Variants in KCNJ13 observed in about 807,000 individuals in gnomAD.
KCNJ13 encodes potassium inwardly rectifying channel subfamily J member 13.
KCNJ13 carries 9 observed loss-of-function variants against 24.6 expected under a neutral mutation model. The ratio of observed to expected loss-of-function variants is 0.37; its 90% CI spans 0.22 to 0.64. The LOEUF (loss-of-function observed/expected upper bound fraction) is 0.64, where lower values mean the gene tolerates loss of function less well. Ranked by LOEUF, KCNJ13 falls within the 30% of genes least tolerant of loss-of-function variation. KCNJ13 has a pLI of 0.64. For missense variants in KCNJ13, 337 were observed against 443.8 expected (o/e 0.76, Z 2.16); for synonymous variants, 148 against 154.7 (o/e 0.96, Z 0.32).
chr2:232,768,129 T>C lies in KCNJ13; in HGVS notation c.*62A>G. The C allele has an allele frequency of 6.5e-7, 1 of 1,541,294 alleles. No homozygotes were observed. Among genetic ancestry groups the C allele is most frequent in the Non-Finnish European group, 9.0e-7 (1 of 1,116,770 alleles). On this transcript the variant is annotated 3_prime_UTR_variant, in exon 3 of 3. Coordinates refer to ENST00000233826, the MANE Select transcript of KCNJ13 (RefSeq NM_002242.4). The stretch of plus-strand genomic sequence containing the variant: ...TGAAAAAAGAAAACATGAGATACAG[T>C]AAAGAAAAAGTAGCTGCATAACTGG...
At chr2:232,769,639 T>C (rs912868765) in intron 2 of KCNJ13, among the ~76,000 whole-genome samples, 3 of 152,134 alleles carry the variant, frequency 2.0e-5, no homozygotes, top group Non-Finnish European at 2.9e-5. Flanking sequence ...AGTGCACCTT[T>C]CAGGTCTATC....
rs536199364 is a variant in KCNJ13 at position 232,766,601 on chromosome 2, A to G, written c.*1590T>C. On this transcript the variant is annotated 3_prime_UTR_variant, in exon 3 of 3. Coordinates refer to ENST00000233826, the MANE Select transcript of KCNJ13 (RefSeq NM_002242.4). ...TCTGTTGGTCTGATTTCTACTTAAG[A>G]ATGAATGTCTAAGATTTTCAAACAG... 6.6e-6 allele frequency: 1 copy of G among 152,466 alleles called. No individual in the cohort carries two copies. The highest frequency in any genetic ancestry group is 6.5e-5 in the Admixed American group (1 of 15,300). 9.4% of individuals were successfully genotyped at this position (152,466 alleles called of 1,614,324 possible). A position where few individuals can be genotyped will look rare whatever the true frequency, so the allele number is the denominator to read the frequency against.
Position 232,776,562 on chromosome 2 carries a change from G to A in KCNJ13, c.-134C>T. 1.2e-6 allele frequency: 1 copy of A among 801,742 alleles called. No individual in the cohort carries two copies. Among genetic ancestry groups the A allele is most frequent in the Admixed American group, 2.0e-5 (1 of 50,008 alleles). The allele number at this position is 801,742 out of a possible 1,614,324, so 49.7% of individuals were successfully genotyped here. On this transcript the variant is annotated 5_prime_UTR_variant, in exon 1 of 3. Transcript: ENST00000233826. ...GTCTAGTTTGTAGGTTCTCTTCTTGGACTGGTTTTACAGCTTACATTCCTC... is the reference window on the plus strand; with the variant it reads ...GTCTAGTTTGTAGGTTCTCTTCTTGAACTGGTTTTACAGCTTACATTCCTC...
At chr2:232,773,856 G>A (rs1489352382) in intron 1 of KCNJ13, among the ~76,000 whole-genome samples, 4 of 145,840 alleles carry the variant, frequency 2.7e-5, no homozygotes, top group African/African-American at 1.0e-4. Context: ...AGGATTGCTT[G>A]AGTCCAGGAG....
Position 232,771,693 on chromosome 2 carries a change from C to A in KCNJ13, c.-16-315G>T, listed in dbSNP as rs553370125. ...ATTATATACCCCTGTGTCTTCCTTG[C>A]ACAAGTCCGGGTGTCAAGCATTTAT... On this transcript the variant is annotated intron_variant, in intron 1 of 2. Transcript: ENST00000233826. Among the ~76,000 whole-genome samples the A allele has an allele frequency of 3.9e-4, 59 of 152,276 alleles. 1 individual carries two copies. The highest frequency in any genetic ancestry group is 6.9e-4 in the Non-Finnish European group (47 of 68,030).
intron 2 of KCNJ13, among the ~76,000 whole-genome samples, 192 bp from the exon 3 acceptor site, chr2:232,769,005 T>A (rs1342630975): frequency 6.6e-6 from 1 of 152,184 alleles, no homozygotes; most frequent in East Asian, 1.9e-4. Flanking sequence ...CATTTCTGTT[T>A]AAAAACCATG....
At chr2:232,775,063 C>A (rs796891539) in intron 1 of KCNJ13, among the ~76,000 whole-genome samples, 35 of 151,478 alleles carry the variant, frequency 2.3e-4, no homozygotes, top group African/African-American at 7.7e-4. Context: ...AGTTAAGCAG[C>A]ATTTTTTTTT....
intron 1 of KCNJ13, among the ~76,000 whole-genome samples, chr2:232,771,851 A>G (rs1398640448): frequency 6.6e-6 from 1 of 152,196 alleles, no homozygotes; most frequent in Non-Finnish European, 1.5e-5. Flanking sequence ...AGTCATTTGG[A>G]AGCTTATTAT....
At position 232,766,650 on chromosome 2, in the gene KCNJ13, T is replaced by A. The variant is rs940538538; in HGVS notation, c.*1541A>T. The stretch of plus-strand genomic sequence containing the variant: ...AGCAAAAGTTCACAATAATTAAGTT[T>A]CTGTGTTCTTGATATTCTTCTGCTA... On this transcript the variant is annotated 3_prime_UTR_variant, in exon 3 of 3. Transcript: ENST00000233826. 1 of 152,344 alleles carries A rather than the reference T, an allele frequency of 6.6e-6. No individual in the cohort carries two copies. Among genetic ancestry groups the A allele is most frequent in the African/African-American group, 2.4e-5 (1 of 41,472 alleles). The allele number at this position is 152,344 out of a possible 1,614,324, so 9.4% of individuals were successfully genotyped here.
Position 232,771,053 on chromosome 2 carries a change from T to A in KCNJ13, c.310A>T (p.Thr104Ser). Residue 104 changes from threonine (T) to serine (S), a missense_variant, in exon 2 of 3, where the codon ACC (threonine) becomes TCC (serine). Thr to Ser is a moderately conservative substitution (Grantham distance 58). Around this residue, in one of 3 missense-constraint regions of KCNJ13, gnomAD observed 101 missense variants for 139.2 expected, o/e 0.73. Coordinates refer to ENST00000233826, the MANE Select transcript of KCNJ13 (RefSeq NM_002242.4). ...ENHTICVKYITSFTAAFSFSL... is the reference protein window; with the variant it reads ...ENHTICVKYISSFTAAFSFSL... Reference sequence around the variant, plus strand: ...AAGGAGAATGCAGCTGTGAAACTGGTGATATACTTGACACAGATAGTGTGG... The same window carrying A: ...AAGGAGAATGCAGCTGTGAAACTGGAGATATACTTGACACAGATAGTGTGG... 1 of 1,614,032 alleles carries A rather than the reference T, an allele frequency of 6.2e-7. No individual in the cohort carries two copies. Among genetic ancestry groups the A allele is most frequent in the Non-Finnish European group, 8.5e-7 (1 of 1,179,992 alleles).
intron 1 of KCNJ13, among the ~76,000 whole-genome samples, chr2:232,776,198 A>G (rs994949339): frequency 2.6e-5 from 4 of 152,166 alleles, no homozygotes; most frequent in African/African-American, 7.2e-5. Flanking sequence ...ATATATTGTA[A>G]TAGAAAATTA....
chr2:232,766,029 A>G lies in KCNJ13; in HGVS notation c.*2162T>C. On this transcript the variant is annotated 3_prime_UTR_variant, in exon 3 of 3. Coordinates refer to ENST00000233826, the MANE Select transcript of KCNJ13 (RefSeq NM_002242.4). ...GGCAGAGCAGCCATTCCTCCCTCCC[A>G]GTAATTTCCGCCCTTTTTCCATTGT... 1 of 471,050 alleles carries G rather than the reference A, an allele frequency of 2.1e-6. No individual in the cohort carries two copies. The allele number at this position is 471,050 out of a possible 1,614,324, so 29.2% of individuals were successfully genotyped here. A position where few individuals can be genotyped will look rare whatever the true frequency, so the allele number is the denominator to read the frequency against.
At chr2:232,770,708 G>T (rs991451819) in intron 2 of KCNJ13, among the ~76,000 whole-genome samples, 195 bp downstream of exon 2, 9 of 148,296 alleles carry the variant, frequency 6.1e-5, no homozygotes, top group Admixed American at 2.7e-4. Context: ...ATTGAGACAG[G>T]TTCCTTATGC....
At chr2:232,773,025 C>G (rs1699334360) in intron 1 of KCNJ13, among the ~76,000 whole-genome samples, 1 of 152,016 alleles carries the variant, frequency 6.6e-6, no homozygotes, top group South Asian at 2.1e-4. Flanking sequence ...CAGATTTGAG[C>G]TAATGGAACA....
At chr2:232,771,412 T>C in intron 1 of KCNJ13, 34 bp from the exon 2 acceptor site, 1 of 1,345,904 alleles carries the variant, frequency 7.4e-7, no homozygotes, top group Non-Finnish European at 1.1e-6. Flanking sequence ...AGCTCTTAAC[T>C]GTTTTATAGT....
chr2:232,770,381 A>G (rs1318795321), intron 2 of KCNJ13, among the ~76,000 whole-genome samples: 2 of 152,226 alleles, frequency 1.3e-5, no homozygotes. Flanking sequence ...GTGTATACAT[A>G]ACTTGTTCTC....
In KCNJ13 at chr2:232,767,441, A is replaced by T. The variant is rs1025168624; in HGVS notation, c.*750T>A. On this transcript the variant is annotated 3_prime_UTR_variant, in exon 3 of 3. Transcript: ENST00000233826. ...TTAGATGAATCACCGTTTGATTATT[A>T]TGGAGGACAGTTTTAAAATAAAATT... 1 of 152,572 alleles carries T rather than the reference A, an allele frequency of 6.6e-6. No individual in the cohort carries two copies. The highest frequency in any genetic ancestry group is 1.5e-5 in the Non-Finnish European group (1 of 68,030). 9.5% of individuals were successfully genotyped at this position (152,572 alleles called of 1,614,324 possible). A position where few individuals can be genotyped will look rare whatever the true frequency, so the allele number is the denominator to read the frequency against.
intron 1 of KCNJ13, among the ~76,000 whole-genome samples, chr2:232,774,171 A>G (rs1381323453): frequency 6.6e-6 from 1 of 152,058 alleles, no homozygotes; most frequent in Non-Finnish European, 1.5e-5. Context: ...TAAGTGGTGG[A>G]TATGAATATT....
In KCNJ13 at chr2:232,767,653, T is replaced by G. The variant is rs1393791804; in HGVS notation, c.*538A>C. On this transcript the variant is annotated 3_prime_UTR_variant, in exon 3 of 3. Coordinates refer to ENST00000233826, the MANE Select transcript of KCNJ13 (RefSeq NM_002242.4). ...TCTCGTTAATTTTTGTTCTTAGTTGTTAAAAATTAAGGAGGTAATACTTAC... is the reference window on the plus strand; with the variant it reads ...TCTCGTTAATTTTTGTTCTTAGTTGGTAAAAATTAAGGAGGTAATACTTAC... 3 of 158,050 alleles carry G rather than the reference T, an allele frequency of 1.9e-5. No homozygotes were observed. Among genetic ancestry groups the G allele is most frequent in the Non-Finnish European group, 4.2e-5 (3 of 71,498 alleles). The allele number at this position is 158,050 out of a possible 1,614,324, so 9.8% of individuals were successfully genotyped here.
Sources: gnomAD v4.1 joint callset for allele counts (sites outside exome capture counted in the v4.1 genomes callset) on GRCh38, gnomAD v4.1.1 for gene constraint, gnomAD v4.1.1 regional missense constraint, MANE v1.5 for transcripts, NCBI Gene and HGNC (gene_info 2026-07-23, HGNC 2026-07-21) for gene names.